The following SUSD5 variants were observed in gnomAD, a reference collection of about 807,000 sequenced individuals.
SUSD5 encodes sushi domain-containing protein 5.
SUSD5 carries 33 observed loss-of-function variants against 29.5 expected under a neutral mutation model. The ratio of observed to expected loss-of-function variants is 1.12; its 90% confidence interval spans 0.85 to 1.49. The LOEUF is 1.49. Ranked by LOEUF, SUSD5 falls within the 40% of genes most tolerant of loss-of-function variation. SUSD5 has a pLI of 0.00. For missense variants in SUSD5, 776 were observed against 800.6 expected (o/e 0.97, Z 0.37); for synonymous variants, 308 against 325.3 (o/e 0.95, Z 0.57).
At chr3:33,202,482 C>A (rs941544738) in intron 3 of SUSD5, among the ~76,000 whole-genome samples, 2 of 152,086 alleles carry the variant, frequency 1.3e-5, no homozygotes, top group South Asian at 4.1e-4. Context: ...ATAAAGTATG[C>A]AAGGGAGGAG....
At chr3:33,203,925 T>G (rs377533252) in intron 3 of SUSD5, among the ~76,000 whole-genome samples, 1 of 152,112 alleles carries the variant, frequency 6.6e-6, no homozygotes, top group Non-Finnish European at 1.5e-5. Flanking sequence ...CTGTTGTTGT[T>G]TGAGAGAGAC....
At chr3:33,181,198 C>CT (rs1467084148) in intron 3 of SUSD5, among the ~76,000 whole-genome samples, 2 of 151,966 alleles carry the variant, frequency 1.3e-5, no homozygotes, top group Non-Finnish European at 2.9e-5. Flanking sequence ...TTAGTGTAGT[C>CT]TAAGTGTACA....
chr3:33,153,544 A>T lies in SUSD5; in HGVS notation c.1088T>A (p.Val363Glu). 6.2e-7 allele frequency: 1 copy of T among 1,613,824 alleles called. No individual in the cohort carries two copies. Among genetic ancestry groups the T allele is most frequent in the Non-Finnish European group, 8.5e-7 (1 of 1,179,892 alleles). The change falls in exon 5 of 5, where the codon GTG (valine) becomes GAG (glutamate). Residue 363 changes from valine to glutamate, a missense_variant. By Grantham distance (121) the Val-to-Glu change is moderately radical (BLOSUM62 -2). Coordinates refer to ENST00000309558, the MANE Select transcript of SUSD5 (RefSeq NM_015551.2). ...TAACCAGGACTCATCACTGCTGCTC[A>T]CCACTGGATCTCCTGCCTTGCTGTC... Reference protein sequence around the residue: ...KNDSKAGDPVVSSSDESWLDG... With the variant: ...KNDSKAGDPVESSSDESWLDG...
At chr3:33,191,488 C>T (rs2031890397) in intron 3 of SUSD5, among the ~76,000 whole-genome samples, 1 of 151,990 alleles carries the variant, frequency 6.6e-6, no homozygotes, top group Non-Finnish European at 1.5e-5. Flanking sequence ...GACTCAGTTA[C>T]TGAGCCCTCA....
Position 33,152,870 on chromosome 3 carries a change from G to GC in SUSD5, c.1761dup (p.Leu588AlafsTer89), listed in dbSNP as rs2030938498. 6.2e-7 allele frequency: 1 copy of GC among 1,613,854 alleles called. No homozygotes were observed. On this transcript the variant is annotated frameshift_variant, in exon 5 of 5. Coordinates refer to ENST00000309558, the MANE Select transcript of SUSD5 (RefSeq NM_015551.2). LOFTEE classifies it high-confidence loss of function. ...CACACCATCCCCACACCTGCCAGGA[G>GC]CAGCAGTAGGCACAGGACGGTGACA...
At chr3:33,209,880 T>G (rs981259223) in intron 2 of SUSD5, among the ~76,000 whole-genome samples, 9 of 152,166 alleles carry the variant, frequency 5.9e-5, no homozygotes, top group Non-Finnish European at 8.8e-5. Context: ...TACTGAATTT[T>G]TCATGTCTAG....
At chr3:33,155,883 G>A (rs186641055) in intron 4 of SUSD5, among the ~76,000 whole-genome samples, 3 of 152,272 alleles carry the variant, frequency 2.0e-5, no homozygotes, top group Admixed American at 2.0e-4. Context: ...AGGAGAGAAG[G>A]GGTGATGACT....
chr3:33,160,667 A>G (rs1363550327), intron 4 of SUSD5, among the ~76,000 whole-genome samples: 1 of 152,218 alleles, frequency 6.6e-6, no homozygotes, highest in African/African-American at 2.4e-5. Flanking sequence ...GTGTAAAATA[A>G]CAGAATGTTA....
rs2030863486 is a variant in SUSD5 at position 33,151,055 on chromosome 3, GAC to G, written c.*1685_*1686del. 2.0e-5 allele frequency: 3 copies of G among 152,300 alleles called. No individual in the cohort carries two copies. The highest frequency in any genetic ancestry group is 2.9e-5 in the Non-Finnish European group (2 of 68,044). 9.4% of individuals were successfully genotyped at this position (152,300 alleles called of 1,614,324 possible). A position where few individuals can be genotyped will look rare whatever the true frequency, so the allele number is the denominator to read the frequency against. ...ACCTCAGCTGCACACAGCCATGCCT[GAC>G]TTCCACACAACACACACCACATACT... On this transcript the variant is annotated 3_prime_UTR_variant, in exon 5 of 5. Coordinates refer to ENST00000309558, the MANE Select transcript of SUSD5 (RefSeq NM_015551.2).
intron 4 of SUSD5, among the ~76,000 whole-genome samples, chr3:33,172,539 G>A (rs1419399109): frequency 6.6e-6 from 1 of 152,150 alleles, no homozygotes; most frequent in Non-Finnish European, 1.5e-5. Flanking sequence ...GGACCAACAG[G>A]AAGCTTGGTG....
At chr3:33,154,518 A>G (rs2031005828) in intron 4 of SUSD5, among the ~76,000 whole-genome samples, 1 of 152,100 alleles carries the variant, frequency 6.6e-6, no homozygotes, top group Non-Finnish European at 1.5e-5. Context: ...GTGAGACTCA[A>G]AAACAACAAC....
chr3:33,215,158 C>G (rs957410442), intron 1 of SUSD5, among the ~76,000 whole-genome samples: 3 of 151,788 alleles, frequency 2.0e-5, no homozygotes, highest in African/African-American at 4.8e-5. Context: ...CATTTAACTA[C>G]AAAAAGGTAG....
chr3:33,153,759 C>T lies in SUSD5; in HGVS notation c.873G>A (p.Lys291=). The T allele has an allele frequency of 6.2e-7, 1 of 1,614,058 alleles. No individual in the cohort carries two copies. Among genetic ancestry groups the T allele is most frequent in the Non-Finnish European group, 8.5e-7 (1 of 1,179,894 alleles). Reference sequence around the variant, plus strand: ...CCTCAGCAGGAAACCAGAACAAGTGCTTCTGGAGCAGCCGTGATCCTGGTG... The same window carrying T: ...CCTCAGCAGGAAACCAGAACAAGTGTTTCTGGAGCAGCCGTGATCCTGGTG... ...ADSPGSRLLQ[K]HLFWFPAEAF... is the part of the protein sequence containing the mutation. Residue 291 remains lysine, a synonymous_variant, in exon 5 of 5, where the codon AAG becomes AAA. Transcript: ENST00000309558.
chr3:33,182,002 T>C (rs2031682206), intron 3 of SUSD5, among the ~76,000 whole-genome samples: 2 of 152,258 alleles, frequency 1.3e-5, no homozygotes, highest in African/African-American at 4.8e-5. Context: ...TGCTCTTCTT[T>C]TTTGAGTTTT....
Position 33,152,924 on chromosome 3 carries a change from G to C in SUSD5, c.1708C>G (p.Leu570Val), listed in dbSNP as rs770406277. The C allele has an allele frequency of 6.2e-7, 1 of 1,614,024 alleles. No individual in the cohort carries two copies. The highest frequency in any genetic ancestry group is 8.5e-7 in the Non-Finnish European group (1 of 1,179,882). ...GTGGCGATCACAGGGCCTCTGCTGA[G>C]GCCAGGACATCCGTCCCCCACACAC... is the stretch of plus-strand genomic sequence containing the variant. ...ESCVGDGCPG[L>V]SRGPVIATIV... The change falls in exon 5 of 5, where the codon CTC becomes GTC. Residue 570 changes from leucine to valine, a missense_variant. Transcript: ENST00000309558.
chr3:33,212,538 A>G (rs1575546702), intron 2 of SUSD5, among the ~76,000 whole-genome samples: 1 of 152,206 alleles, frequency 6.6e-6, no homozygotes, highest in African/African-American at 2.4e-5. Flanking sequence ...CTAGGGGCTG[A>G]GCTGGCAAGA....
intron 3 of SUSD5, among the ~76,000 whole-genome samples, chr3:33,194,288 T>C (rs1297709205): frequency 6.6e-6 from 1 of 152,128 alleles, no homozygotes; most frequent in Non-Finnish European, 1.5e-5. Context: ...CTGATTTGAG[T>C]AATAATAAAA....
chr3:33,192,433 A>T (rs925950566), intron 3 of SUSD5, among the ~76,000 whole-genome samples: 2 of 151,922 alleles, frequency 1.3e-5, no homozygotes, highest in African/African-American at 4.8e-5. Context: ...TTGAATATTT[A>T]TTGACCAATT....
intron 3 of SUSD5, among the ~76,000 whole-genome samples, chr3:33,187,107 C>A (rs936376084): frequency 6.6e-6 from 1 of 152,176 alleles, no homozygotes; most frequent in Admixed American, 6.5e-5. Flanking sequence ...ATGACTCATG[C>A]TGGATGCCCC....
Sources: allele counts gnomAD v4.1 joint callset (sites outside exome capture counted in the v4.1 genomes callset), GRCh38; gene constraint gnomAD v4.1.1; transcripts MANE v1.5; gene names NCBI Gene and HGNC (gene_info 2026-07-23, HGNC 2026-07-21).